TMEM135: variants seen among roughly 807,000 people sequenced by gnomAD.
TMEM135 encodes transmembrane protein 135.
In TMEM135, 30 loss-of-function variants were observed where a neutral mutation model predicts 60.3. The observed-to-expected ratio is 0.50, with a 90% CI of 0.37 to 0.68. The LOEUF is 0.68. Among genes scored for constraint, TMEM135 ranks in the 30% least tolerant of loss-of-function variants. TMEM135 has a pLI of 0.00. For synonymous variants in TMEM135, 190 were observed against 186.7 expected (o/e 1.02, Z -0.14); for missense variants, 468 against 548.8 (o/e 0.85, Z 1.47).
intron 4 of TMEM135, among the ~76,000 whole-genome samples, chr11:87,102,714 G>GTA (rs112067779): frequency 3.1e-4 from 30 of 97,876 alleles, no homozygotes; most frequent in East Asian, 7.3e-4. Flanking sequence ...GTATATATAT[G>GTA]TATATATATA....
intron 6 of TMEM135, among the ~76,000 whole-genome samples, chr11:87,291,451 C>T (rs1942259482): frequency 6.6e-6 from 1 of 150,982 alleles, no homozygotes; most frequent in Middle Eastern, 3.4e-3. Context: ...ATCATCGTTC[C>T]CCTCCTAACT....
At chr11:87,271,115 G>A (rs991829925) in intron 6 of TMEM135, among the ~76,000 whole-genome samples, 1 of 152,100 alleles carries the variant, frequency 6.6e-6, no homozygotes, top group Admixed American at 6.6e-5. Context: ...TTTACTTTTA[G>A]GAAGGTCATT....
At chr11:87,231,565 G>T (rs1298391687) in intron 5 of TMEM135, among the ~76,000 whole-genome samples, 1 of 152,040 alleles carries the variant, frequency 6.6e-6, no homozygotes, top group African/African-American at 2.4e-5. Flanking sequence ...TACAAACATA[G>T]ACAACATCCA....
At position 87,327,208 on chromosome 11, in the gene TMEM135, T is replaced by C. The variant is rs1395116399; in HGVS notation, c.*5875T>C. ...TGTAATGGAAAATCTGGGAAACACT[T>C]GGGAAAAATCTTCCCTCTCTGCTTA... On this transcript the variant is annotated 3_prime_UTR_variant, in exon 15 of 15. Coordinates refer to ENST00000305494, the MANE Select transcript of TMEM135 (RefSeq NM_022918.4). 1 of 453,938 alleles carries C rather than the reference T, an allele frequency of 2.2e-6. No homozygotes were observed. Among genetic ancestry groups the C allele is most frequent in the East Asian group, 6.9e-5 (1 of 14,396 alleles). The allele number at this position is 453,938 out of a possible 1,614,324, so 28.1% of individuals were successfully genotyped here.
Position 87,091,343 on chromosome 11 carries a change from C to A in TMEM135, c.363-19C>A. 2 of 1,607,704 alleles carry A rather than the reference C, an allele frequency of 1.2e-6. No individual in the cohort carries two copies. Among genetic ancestry groups the A allele is most frequent in the South Asian group, 2.2e-5 (2 of 90,400 alleles). On this transcript the variant is annotated intron_variant, in intron 3 of 14. Transcript: ENST00000305494. ...AGTCAAATTGAAGTTTAATATCTTC[C>A]TTTTAAAATTATTTGCAGGAGAGGG...
intron 5 of TMEM135, among the ~76,000 whole-genome samples, chr11:87,193,113 A>G (rs1939854577): frequency 6.6e-6 from 1 of 152,110 alleles, no homozygotes; most frequent in Admixed American, 6.6e-5. Flanking sequence ...TCAAAAAAAA[A>G]AATTGTCATT....
chr11:87,272,345 C>A (rs568066647), intron 6 of TMEM135, among the ~76,000 whole-genome samples: 2 of 152,038 alleles, frequency 1.3e-5, no homozygotes, highest in Non-Finnish European at 2.9e-5. Context: ...CTGGAGCCAC[C>A]GCACCTAGCC....
intron 5 of TMEM135, among the ~76,000 whole-genome samples, chr11:87,180,437 T>G (rs758038058): frequency 5.3e-5 from 8 of 152,190 alleles, no homozygotes; most frequent in African/African-American, 1.9e-4. Context: ...AACACCAGTT[T>G]TGTAGCCAGA....
At chr11:87,159,617 A>ACACACACACACACCCCCCCCCCCC (rs140303858) in intron 5 of TMEM135, among the ~76,000 whole-genome samples, 1 of 149,344 alleles carries the variant, frequency 6.7e-6, no homozygotes, top group African/African-American at 2.5e-5. Flanking sequence ...ACACACACAC[A>ACACACACACACACCCCCCCCCCCC]CCATAGATTT....
chr11:87,128,972 G>A (rs966853099), intron 4 of TMEM135, among the ~76,000 whole-genome samples: 1 of 149,292 alleles, frequency 6.7e-6, no homozygotes, highest in African/African-American at 2.5e-5. Flanking sequence ...TGCCCTTGCT[G>A]TTCCCTATTT....
rs1856772724 is a variant in TMEM135 at position 87,071,537 on chromosome 11, A to G, written c.284A>G (p.Lys95Arg). The G allele has an allele frequency of 2.5e-6, 4 of 1,614,014 alleles. No homozygotes were observed. Among genetic ancestry groups the G allele is most frequent in the Non-Finnish European group, 3.4e-6 (4 of 1,179,948 alleles). ...FFCILRKILG[K>R]FYSWTPGFGA... ...TTGAATTTCAGGAAGATACTTGGAA[A>G]ATTCTACTCATGGACTCCTGGCTTT... The change falls in exon 3 of 15, where the codon AAA (lysine) becomes AGA (arginine). Residue 95 changes from lysine (K) to arginine (R), a missense_variant. By Grantham distance (26) the Lys-to-Arg change is conservative. Transcript: ENST00000305494.
At chr11:87,291,830 A>G (rs1050141549) in intron 6 of TMEM135, among the ~76,000 whole-genome samples, 4 of 152,092 alleles carry the variant, frequency 2.6e-5, no homozygotes, top group Admixed American at 6.5e-5. Context: ...GGCGTGAGCC[A>G]CCGTCCCCGG....
chr11:87,285,894 A>G (rs2678818), intron 6 of TMEM135, among the ~76,000 whole-genome samples: 22,982 of 152,098 alleles, frequency 0.15, 2,246 homozygotes, highest in African/African-American at 0.27. Flanking sequence ...CCGTTTTGAC[A>G]GGGTGCTGAT....
At chr11:87,291,035 A>C (rs1278491034) in intron 6 of TMEM135, among the ~76,000 whole-genome samples, 3 of 152,202 alleles carry the variant, frequency 2.0e-5, no homozygotes, top group Non-Finnish European at 4.4e-5. Context: ...GTTGTGGAGA[A>C]GCAAAATATA....
At chr11:87,305,881 A>T (rs1413004454) in intron 8 of TMEM135, 55 bp from the exon 9 acceptor site, 22 of 1,339,476 alleles carry the variant, frequency 1.6e-5, no homozygotes, top group Non-Finnish European at 2.2e-5. Flanking sequence ...GTACAAACAC[A>T]TGGATATACA....
intron 6 of TMEM135, among the ~76,000 whole-genome samples, chr11:87,250,713 A>T (rs140247369): frequency 4.0e-4 from 61 of 152,316 alleles, no homozygotes; most frequent in Non-Finnish European, 7.6e-4. Flanking sequence ...TTTTTAAAAA[A>T]ATATTGCTTA....
chr11:87,286,615 CG>C (rs1942171762), intron 6 of TMEM135, among the ~76,000 whole-genome samples: 1 of 151,818 alleles, frequency 6.6e-6, no homozygotes, highest in Non-Finnish European at 1.5e-5. Flanking sequence ...GAGCACACCA[CG>C]GGGTGGGGGT....
intron 4 of TMEM135, among the ~76,000 whole-genome samples, chr11:87,130,720 T>C (rs1436226990): frequency 1.3e-5 from 2 of 152,132 alleles, no homozygotes; most frequent in East Asian, 3.9e-4. Flanking sequence ...CAGGCTGGTC[T>C]TGAGCTCCTG....
chr11:87,067,868 G>GA (rs778746429), intron 2 of TMEM135, 47 bp downstream of exon 2: 1 of 1,606,338 alleles, frequency 6.2e-7, no homozygotes, highest in South Asian at 1.1e-5. Context: ...TTCTTCTATT[G>GA]AAATGGAAAC....
Sources: allele counts gnomAD v4.1 joint callset (sites outside exome capture counted in the v4.1 genomes callset), GRCh38; gene constraint gnomAD v4.1.1; transcripts MANE v1.5; gene names NCBI Gene and HGNC (gene_info 2026-07-23, HGNC 2026-07-21).